AK5: variants seen among roughly 807,000 people sequenced by gnomAD.
AK5 encodes adenylate kinase 5, also known as adenylate kinase isoenzyme 5.
Under a neutral mutation model 69.5 loss-of-function variants are expected in AK5, and 27 were observed. The observed-to-expected ratio is 0.39, with a 90% CI of 0.29 to 0.54. The LOEUF (loss-of-function observed/expected upper bound fraction) is 0.54. Ranked by LOEUF, AK5 falls within the 20% of genes least tolerant of loss-of-function variation. The pLI is 0.71. For missense variants in AK5, 531 were observed against 700.4 expected, an observed-to-expected ratio of 0.76 and a Z score of 2.73; for synonymous variants, 260 against 244.4, an observed-to-expected ratio of 1.06 and a Z score of -0.60.
At chr1:77,480,681 A>G (rs1655198875) in intron 8 of AK5, among the ~76,000 whole-genome samples, 1 of 152,238 alleles carries the variant, frequency 6.6e-6, no homozygotes, top group Admixed American at 6.5e-5. Context: ...TTTGACAAAC[A>G]ATAAGAAGAT....
chr1:77,283,040 T>C (rs1385792194), intron 1 of AK5: 6 of 985,402 alleles, frequency 6.1e-6, no homozygotes, highest in African/African-American at 5.2e-5. Context: ...CACCTGGAGA[T>C]AGCGGGTCGG....
At chr1:77,308,131 C>T (rs1346212950) in intron 5 of AK5, among the ~76,000 whole-genome samples, 1 of 152,148 alleles carries the variant, frequency 6.6e-6, no homozygotes, top group South Asian at 2.1e-4. Flanking sequence ...TCATGGGTCT[C>T]TACAGAGCTG....
intron 8 of AK5, among the ~76,000 whole-genome samples, chr1:77,427,411 T>C (rs911794596): frequency 6.6e-6 from 1 of 152,140 alleles, no homozygotes; most frequent in African/African-American, 2.4e-5. Context: ...ACCAATTCTT[T>C]GAAAGACACA....
At chr1:77,543,632 A>G (rs1241935426) in intron 13 of AK5, among the ~76,000 whole-genome samples, 1 of 152,056 alleles carries the variant, frequency 6.6e-6, no homozygotes, top group East Asian at 1.9e-4. Context: ...CCCTGGGCCC[A>G]AGTAATACTC....
chr1:77,368,344 T>A (rs1487075447), intron 6 of AK5, among the ~76,000 whole-genome samples: 6 of 136,396 alleles, frequency 4.4e-5, no homozygotes, highest in Admixed American at 7.8e-5. Flanking sequence ...ATATGTTATA[T>A]ATATATGTTG....
At chr1:77,544,011 A>G (rs1659414707) in intron 13 of AK5, among the ~76,000 whole-genome samples, 1 of 152,154 alleles carries the variant, frequency 6.6e-6, no homozygotes, top group African/African-American at 2.4e-5. Context: ...CAATTTTGTC[A>G]TTGTGCAAAC....
intron 6 of AK5, among the ~76,000 whole-genome samples, chr1:77,361,835 C>A (rs751285246): frequency 7.9e-5 from 12 of 152,156 alleles, no homozygotes; most frequent in Admixed American, 7.9e-4. Flanking sequence ...GACATCCTCA[C>A]CCCCGCCGTA....
chr1:77,487,964 G>C (rs1655706123), intron 10 of AK5, among the ~76,000 whole-genome samples: 1 of 152,182 alleles, frequency 6.6e-6, no homozygotes, highest in South Asian at 2.1e-4. Context: ...GCTGAAATAG[G>C]GAACAACCTG....
intron 1 of AK5, chr1:77,283,714 C>A (rs1658193045): frequency 1.5e-6 from 1 of 658,380 alleles, no homozygotes; most frequent in Non-Finnish European, 1.9e-6. Flanking sequence ...AAGGACAGGT[C>A]TTGAGAATAT....
At chr1:77,400,724 CT>C (rs1649156085) in intron 6 of AK5, among the ~76,000 whole-genome samples, 1 of 152,082 alleles carries the variant, frequency 6.6e-6, no homozygotes, top group Admixed American at 6.5e-5. Flanking sequence ...TCTCTAGTAT[CT>C]CTTTATTGTG....
chr1:77,392,888 C>A (rs1213422927), intron 6 of AK5, among the ~76,000 whole-genome samples: 2 of 151,940 alleles, frequency 1.3e-5, no homozygotes, highest in African/African-American at 2.4e-5. Context: ...GCCCTTCCAA[C>A]CAGGACATAG....
intron 8 of AK5, among the ~76,000 whole-genome samples, chr1:77,468,143 G>A (rs1209368828): frequency 6.6e-6 from 1 of 152,198 alleles, no homozygotes; most frequent in East Asian, 1.9e-4. Context: ...TGAGGGGGTG[G>A]GAGATGTGGT....
intron 11 of AK5, among the ~76,000 whole-genome samples, chr1:77,519,059 G>A (rs1657833294): frequency 6.6e-6 from 1 of 152,154 alleles, no homozygotes; most frequent in African/African-American, 2.4e-5. Flanking sequence ...GCAGAGCCTA[G>A]AATTAGAAAC....
chr1:77,286,830 G>A (rs1221096986), intron 1 of AK5, 111 bp from the exon 2 acceptor site: 1 of 646,784 alleles, frequency 1.5e-6, no homozygotes, highest in Non-Finnish European at 2.2e-6. Flanking sequence ...CTGGGCAGCA[G>A]AGTGAGACTC....
At chr1:77,526,504 C>G (rs1428101059) in intron 12 of AK5, among the ~76,000 whole-genome samples, 1 of 110,790 alleles carries the variant, frequency 9.0e-6, no homozygotes, top group Non-Finnish European at 1.7e-5. Context: ...GAGACGGAGT[C>G]TCGCTCTGTC....
At chr1:77,367,571 A>ATATATGTTATATATATATATGT (rs1646981472) in intron 6 of AK5, among the ~76,000 whole-genome samples, 1 of 15,752 alleles carries the variant, frequency 6.3e-5, no homozygotes, top group Non-Finnish European at 1.4e-4. Flanking sequence ...ATATATATAT[A>ATATATGTTATATATATATATGT]TATATATAAT....
At chr1:77,356,618 G>C (rs978267814) in intron 6 of AK5, among the ~76,000 whole-genome samples, 3 of 152,176 alleles carry the variant, frequency 2.0e-5, no homozygotes, top group Non-Finnish European at 4.4e-5. Context: ...TGTGAGGACT[G>C]AGTGAGAAAA....
rs34141642 is a variant in AK5 at position 77,374,418 on chromosome 1, C to CTTT, written c.891+33866_891+33868dup. Among the ~76,000 whole-genome samples, 8 of 138,790 alleles carry CTTT rather than the reference C, an allele frequency of 5.8e-5. 1 individual carries two copies. Among genetic ancestry groups the CTTT allele is most frequent in the Non-Finnish European group, 6.2e-5 (4 of 64,988 alleles). The allele number at this position is 138,790 out of a possible 152,430, so 91.1% of individuals were successfully genotyped here. On this transcript the variant is annotated intron_variant, in intron 6 of 13. Transcript: ENST00000354567. ...TCCTTTTATGCCAATTGAGGTAATG[C>CTTT]TTTTTTTTTTTTTTTTTTAAGAACC...
intron 6 of AK5, among the ~76,000 whole-genome samples, chr1:77,398,124 G>A (rs1648953267): frequency 6.7e-6 from 1 of 150,340 alleles, no homozygotes; most frequent in South Asian, 2.2e-4. Flanking sequence ...AAAATTGCAG[G>A]AGATAAATTT....
Sources: allele counts gnomAD v4.1 joint callset (sites outside exome capture counted in the v4.1 genomes callset), GRCh38; gene constraint gnomAD v4.1.1; transcripts MANE v1.5; gene names NCBI Gene and HGNC (gene_info 2026-07-23, HGNC 2026-07-21).